Variants in RUNX2 observed in about 807,000 individuals in gnomAD.
RUNX2 encodes RUNX family transcription factor 2.
In RUNX2, 10 loss-of-function variants were observed where a neutral mutation model predicts 51.7. The observed-to-expected ratio is 0.19, with a 90% CI of 0.12 to 0.33. The LOEUF (loss-of-function observed/expected upper bound fraction) is 0.33, where lower values mean the gene tolerates loss of function less well. Among genes scored for constraint, RUNX2 ranks in the 10% least tolerant of loss-of-function variants. RUNX2 has a pLI of 1.00. For synonymous variants in RUNX2, 276 were observed against 273.6 expected (o/e 1.01, Z -0.09); for missense variants, 562 against 691.3 (o/e 0.81, Z 2.10).
chr6:45,454,419 A>G (rs1339825580), intron 5 of RUNX2, among the ~76,000 whole-genome samples: 2 of 152,254 alleles, frequency 1.3e-5, no homozygotes, highest in Non-Finnish European at 2.9e-5. Context: ...TGACCAGAGG[A>G]AGGAAATCTG....
intron 2 of RUNX2, among the ~76,000 whole-genome samples, chr6:45,342,220 T>G (rs992553648): frequency 6.6e-6 from 1 of 151,944 alleles, no homozygotes; most frequent in African/African-American, 2.4e-5. Context: ...ACTACAGTTG[T>G]GCCTAGTGAA....
chr6:45,540,261 G>A (rs1802176766), intron 7 of RUNX2, among the ~76,000 whole-genome samples: 1 of 152,200 alleles, frequency 6.6e-6, no homozygotes, highest in Non-Finnish European at 1.5e-5. Context: ...GCTGGCCTAT[G>A]CTTGAGTAAG....
chr6:45,396,303 G>GTATA (rs1797580522), intron 2 of RUNX2, among the ~76,000 whole-genome samples: 1 of 152,078 alleles, frequency 6.6e-6, no homozygotes, highest in Non-Finnish European at 1.5e-5. Flanking sequence ...TGAAATTGTT[G>GTATA]TATAATTCAA....
chr6:45,535,224 A>C (rs769184800), intron 7 of RUNX2, among the ~76,000 whole-genome samples: 1 of 151,954 alleles, frequency 6.6e-6, no homozygotes, highest in African/African-American at 2.4e-5. Flanking sequence ...AAACCTGCAC[A>C]TGTACCCTTG....
intron 6 of RUNX2, among the ~76,000 whole-genome samples, chr6:45,504,832 C>A (rs902556007): frequency 2.0e-5 from 3 of 152,136 alleles, no homozygotes; most frequent in African/African-American, 7.2e-5. Flanking sequence ...TTTTGACACC[C>A]CAGTTTTCTC....
chr6:45,492,517 C>A (rs1800514704), intron 6 of RUNX2, among the ~76,000 whole-genome samples: 1 of 152,138 alleles, frequency 6.6e-6, no homozygotes, highest in Admixed American at 6.5e-5. Flanking sequence ...ATAACTATTT[C>A]ATTAAGTCTG....
intron 7 of RUNX2, among the ~76,000 whole-genome samples, chr6:45,521,872 C>A (rs1371001632): frequency 6.6e-6 from 1 of 152,140 alleles, no homozygotes; most frequent in East Asian, 1.9e-4. Context: ...GCTTTAGTGG[C>A]CTTTGTTCTT....
chr6:45,407,541 G>A (rs962911076), intron 2 of RUNX2, among the ~76,000 whole-genome samples: 5 of 152,140 alleles, frequency 3.3e-5, no homozygotes, highest in Non-Finnish European at 7.3e-5. Flanking sequence ...CACCAGGCTG[G>A]AGTGCAGTAG....
chr6:45,517,060 T>C (rs992432328), intron 7 of RUNX2, among the ~76,000 whole-genome samples: 2 of 152,186 alleles, frequency 1.3e-5, no homozygotes, highest in Non-Finnish European at 2.9e-5. Context: ...AAGGGATTTA[T>C]ACCTTTCTGA....
chr6:45,443,459 A>G (rs905093204), intron 5 of RUNX2, among the ~76,000 whole-genome samples: 3 of 152,172 alleles, frequency 2.0e-5, no homozygotes, highest in Non-Finnish European at 2.9e-5. Flanking sequence ...AGGGAAAAAA[A>G]CCACCAATGG....
chr6:45,418,902 T>A (rs1187419973), intron 2 of RUNX2, among the ~76,000 whole-genome samples: 1 of 152,082 alleles, frequency 6.6e-6, no homozygotes, highest in Non-Finnish European at 1.5e-5. Context: ...TCCACTGAAA[T>A]GTGAAATGGA....
chr6:45,328,707 T>C lies in RUNX2; in HGVS notation c.-20T>C, dbSNP rs755074236. The C allele has an allele frequency of 6.5e-5, 104 of 1,611,546 alleles. No individual in the cohort carries two copies. The highest frequency in any genetic ancestry group is 8.7e-5 in the Non-Finnish European group (102 of 1,178,478). On this transcript the variant is annotated 5_prime_UTR_variant, in exon 2 of 9. Coordinates refer to ENST00000647337, the MANE Select transcript of RUNX2 (RefSeq NM_001024630.4). ...TACAACAGAGGGTACAAGTTCTATC[T>C]GAAAAAAAAAGGAGGGACTATGGCA... is the stretch of plus-strand genomic sequence containing the variant.
At chr6:45,375,183 G>A (rs1005106105) in intron 2 of RUNX2, among the ~76,000 whole-genome samples, 3 of 152,108 alleles carry the variant, frequency 2.0e-5, no homozygotes, top group African/African-American at 7.2e-5. Context: ...CTCCAATCTG[G>A]GCAACAAGAG....
chr6:45,520,929 A>G (rs1029317934), intron 7 of RUNX2, among the ~76,000 whole-genome samples: 1 of 152,116 alleles, frequency 6.6e-6, no homozygotes, highest in African/African-American at 2.4e-5. Context: ...TATGTTGGCC[A>G]GGCTGCGAAC....
At chr6:45,336,919 T>C (rs1788681449) in intron 2 of RUNX2, among the ~76,000 whole-genome samples, 1 of 151,656 alleles carries the variant, frequency 6.6e-6, no homozygotes. Context: ...TTAATAAAAA[T>C]GGCCTTACTC....
chr6:45,494,600 A>G (rs1800585549), intron 6 of RUNX2, among the ~76,000 whole-genome samples: 1 of 152,020 alleles, frequency 6.6e-6, no homozygotes, highest in Non-Finnish European at 1.5e-5. Flanking sequence ...TTGTCACCCC[A>G]ACCACTCTTG....
At chr6:45,481,252 A>C (rs1177306650) in intron 5 of RUNX2, among the ~76,000 whole-genome samples, 1 of 152,144 alleles carries the variant, frequency 6.6e-6, no homozygotes, top group Non-Finnish European at 1.5e-5. Flanking sequence ...TTGTCACTGC[A>C]CTCTTTGAAG....
chr6:45,397,623 C>T (rs1199440386), intron 2 of RUNX2, among the ~76,000 whole-genome samples: 1 of 152,000 alleles, frequency 6.6e-6, no homozygotes, highest in African/African-American at 2.4e-5. Flanking sequence ...ACTAGTGATG[C>T]CAGATTCATG....
At chr6:45,467,007 G>T (rs1187958384) in intron 5 of RUNX2, among the ~76,000 whole-genome samples, 12 of 152,046 alleles carry the variant, frequency 7.9e-5, no homozygotes, top group African/African-American at 2.9e-4. Flanking sequence ...TAGACTTGTC[G>T]CCTTCATTTC....
Sources: allele counts gnomAD v4.1 joint callset (sites outside exome capture counted in the v4.1 genomes callset), GRCh38; gene constraint gnomAD v4.1.1; transcripts MANE v1.5; gene names NCBI Gene and HGNC (gene_info 2026-07-23, HGNC 2026-07-21).